The following SLC25A13 variants were observed in gnomAD, a reference collection of about 807,000 sequenced individuals.
SLC25A13 encodes the protein solute carrier family 25 member 13.
In SLC25A13, 70 loss-of-function variants were observed where a neutral mutation model predicts 85.5. The ratio of observed to expected loss-of-function variants is 0.82; its 90% CI spans 0.68 to 1.00. SLC25A13 has a LOEUF of 1.00. SLC25A13 is among the 50% of genes least tolerant of loss of function. The pLI, the probability that SLC25A13 is intolerant of heterozygous loss-of-function variation, is 0.00. For synonymous variants in SLC25A13, 259 were observed against 288.7 expected (o/e 0.90, Z 1.04); for missense variants, 765 against 819.8 (o/e 0.93, Z 0.82).
At chr7:96,280,751 G>C (rs938828169) in intron 2 of SLC25A13, among the ~76,000 whole-genome samples, 2 of 151,946 alleles carry the variant, frequency 1.3e-5, no homozygotes, top group African/African-American at 4.8e-5. Context: ...GCAATACCAT[G>C]CCATACCCCC....
chr7:96,178,699 T>C (rs1794315624), intron 11 of SLC25A13, among the ~76,000 whole-genome samples: 1 of 152,178 alleles, frequency 6.6e-6, no homozygotes, highest in Non-Finnish European at 1.5e-5. Context: ...GCACTTTGTG[T>C]GCCCTGCCTT....
At chr7:96,162,686 G>C (rs1793558472) in intron 13 of SLC25A13, among the ~76,000 whole-genome samples, 1 of 152,098 alleles carries the variant, frequency 6.6e-6, no homozygotes, top group Non-Finnish European at 1.5e-5. Context: ...AACATGAAGG[G>C]AATTCTTGAG....
intron 5 of SLC25A13, among the ~76,000 whole-genome samples, chr7:96,203,484 T>A (rs1333913635): frequency 6.6e-6 from 1 of 152,188 alleles, no homozygotes; most frequent in African/African-American, 2.4e-5. Flanking sequence ...GAAAACTTCT[T>A]TAGGCTTCTG....
intron 15 of SLC25A13, among the ~76,000 whole-genome samples, chr7:96,131,217 A>C (rs1341576374): frequency 6.6e-6 from 1 of 152,204 alleles, no homozygotes; most frequent in Non-Finnish European, 1.5e-5. Context: ...GAAAAAAAGA[A>C]GATAGTTATT....
chr7:96,311,746 A>AAT (rs200216666), intron 1 of SLC25A13, among the ~76,000 whole-genome samples: 7 of 151,982 alleles, frequency 4.6e-5, no homozygotes, highest in East Asian at 1.9e-4. Flanking sequence ...AACTCAGACA[A>AAT]ATATATATAT....
At chr7:96,317,367 T>G (rs1201927456) in intron 1 of SLC25A13, among the ~76,000 whole-genome samples, 1 of 151,890 alleles carries the variant, frequency 6.6e-6, no homozygotes, top group Non-Finnish European at 1.5e-5. Context: ...GGCTGAGGCA[T>G]TAAATGAATC....
chr7:96,152,609 C>T (rs1793094412), intron 13 of SLC25A13, among the ~76,000 whole-genome samples: 1 of 152,022 alleles, frequency 6.6e-6, no homozygotes, highest in African/African-American at 2.4e-5. Flanking sequence ...ATTCAGAAGG[C>T]AGTGGAAGGG....
intron 13 of SLC25A13, among the ~76,000 whole-genome samples, chr7:96,154,451 G>A (rs1347650196): frequency 1.3e-5 from 2 of 151,906 alleles, no homozygotes; most frequent in Non-Finnish European, 2.9e-5. Context: ...TGCGTGCCAC[G>A]ACATCTGGCT....
chr7:96,133,428 T>G (rs1003364083), intron 14 of SLC25A13, among the ~76,000 whole-genome samples: 3 of 152,198 alleles, frequency 2.0e-5, no homozygotes, highest in Non-Finnish European at 4.4e-5. Context: ...ATTGTGCATT[T>G]ACCGAGGGCT....
chr7:96,228,914 G>T (rs1047301074), intron 4 of SLC25A13, among the ~76,000 whole-genome samples: 9 of 152,138 alleles, frequency 5.9e-5, no homozygotes, highest in Non-Finnish European at 1.2e-4. Context: ...CGCTGCACTC[G>T]AATTCTCACC....
chr7:96,280,848 A>G (rs1798651260), intron 2 of SLC25A13, among the ~76,000 whole-genome samples: 1 of 152,176 alleles, frequency 6.6e-6, no homozygotes, highest in Admixed American at 6.5e-5. Flanking sequence ...ATAAAGGAGT[A>G]AACCATTTTA....
At chr7:96,217,418 C>A (rs1795937548) in intron 4 of SLC25A13, among the ~76,000 whole-genome samples, 1 of 152,130 alleles carries the variant, frequency 6.6e-6, no homozygotes, top group South Asian at 2.1e-4. Flanking sequence ...TATGCCCATA[C>A]AAACTCACAT....
chr7:96,175,537 C>T (rs1371861114), intron 11 of SLC25A13, among the ~76,000 whole-genome samples: 2 of 152,142 alleles, frequency 1.3e-5, no homozygotes, highest in South Asian at 2.1e-4. Context: ...AAACTGAGGC[C>T]GACTTTAAGG....
intron 9 of SLC25A13, 33 bp downstream of exon 9, chr7:96,189,261 C>T: frequency 1.3e-6 from 2 of 1,599,958 alleles, no homozygotes; most frequent in Non-Finnish European, 1.7e-6. Context: ...GCTAAGGAAA[C>T]CCCAGAATGC....
chr7:96,140,241 A>T (rs545775936), intron 14 of SLC25A13, among the ~76,000 whole-genome samples: 2 of 151,414 alleles, frequency 1.3e-5, no homozygotes, highest in African/African-American at 4.8e-5. Context: ...TACAGGCGTG[A>T]GCCACCGCGC....
chr7:96,191,004 G>T, intron 7 of SLC25A13, 105 bp downstream of exon 7: 1 of 1,295,464 alleles, frequency 7.7e-7, no homozygotes, highest in Non-Finnish European at 1.1e-6. Flanking sequence ...TAGTTAATAT[G>T]TGTCAATGGG....
chr7:96,175,678 A>G (rs1198795095), intron 11 of SLC25A13, among the ~76,000 whole-genome samples: 1 of 152,214 alleles, frequency 6.6e-6, no homozygotes, highest in Non-Finnish European at 1.5e-5. Flanking sequence ...GCATGCACCA[A>G]ATTCTGTAGA....
At chr7:96,211,225 C>T (rs1045791137) in intron 4 of SLC25A13, among the ~76,000 whole-genome samples, 2 of 151,982 alleles carry the variant, frequency 1.3e-5, no homozygotes, top group Non-Finnish European at 2.9e-5. Context: ...CATTTGAATC[C>T]GAAACTCTAA....
In SLC25A13 at chr7:96,305,131, C is replaced by T. The variant is rs149294628; in HGVS notation, c.16-8180G>A. Among the ~76,000 whole-genome samples the T allele has an allele frequency of 1.9e-4, 29 of 152,032 alleles. No homozygotes were observed. The East Asian group carries it at 2.5e-3, about 13-fold the overall frequency. The stretch of plus-strand genomic sequence containing the variant: ...CTTTAAGGGGAAGAGTGAGTAATAT[C>T]CCCACTTTTCAAATAAAGAAGCTGA... On this transcript the variant is annotated intron_variant, in intron 1 of 17. Coordinates refer to ENST00000265631, the MANE Select transcript of SLC25A13 (RefSeq NM_014251.3).
Sources: allele counts gnomAD v4.1 joint callset (sites outside exome capture counted in the v4.1 genomes callset), GRCh38; gene constraint gnomAD v4.1.1; transcripts MANE v1.5; gene names NCBI Gene and HGNC (gene_info 2026-07-23, HGNC 2026-07-21).